The following KCNK10 variants were observed in gnomAD, a reference collection of about 807,000 sequenced individuals.
KCNK10 encodes potassium two pore domain channel subfamily K member 10, also known as potassium channel subfamily K member 10.
KCNK10 carries 25 observed loss-of-function variants against 47.7 expected under a neutral mutation model. The observed-to-expected ratio is 0.52, with a 90% CI of 0.38 to 0.73. The LOEUF is 0.73. Among genes scored for constraint, KCNK10 ranks in the 30% least tolerant of loss-of-function variants. The pLI is 0.00. For synonymous variants in KCNK10, 303 were observed against 285.6 expected (o/e 1.06, Z -0.61); for missense variants, 563 against 714.5 (o/e 0.79, Z 2.42).
chr14:88,199,597 G>A (rs867445700), intron 4 of KCNK10, among the ~76,000 whole-genome samples: 1 of 152,102 alleles, frequency 6.6e-6, no homozygotes, highest in Admixed American at 6.5e-5. Context: ...TTGCCTCGCT[G>A]GCTCCTCTAG....
chr14:88,220,604 G>GA (rs11446535), intron 4 of KCNK10, among the ~76,000 whole-genome samples: 88,592 of 142,808 alleles, frequency 0.62, 27,707 homozygotes, highest in African/African-American at 0.73. Flanking sequence ...ACAACATGGA[G>GA]AAAAAAAAAA....
chr14:88,260,218 C>T lies in KCNK10; in HGVS notation c.402+2984G>A, dbSNP rs529430751. Among the ~76,000 whole-genome samples the T allele has an allele frequency of 1.4e-4, 22 of 152,284 alleles. No homozygotes were observed. Among genetic ancestry groups the T allele is most frequent in the African/African-American group, 4.8e-4 (20 of 41,554 alleles). On this transcript the variant is annotated intron_variant, in intron 2 of 6. Transcript: ENST00000319231. This position sits in a 1 kb window ranked among gnomAD's most constrained non-coding sequence, Gnocchi z 4.5. ...TTGGCCTCCCAAAGTGCTGGGATTA[C>T]AGGTGTAAGCCACCGCGCCAGGCCA...
intron 3 of KCNK10, among the ~76,000 whole-genome samples, chr14:88,232,309 A>G (rs1886180252): frequency 6.6e-6 from 1 of 152,234 alleles, no homozygotes; most frequent in Non-Finnish European, 1.5e-5. Context: ...GAACAGGCCA[A>G]TATTTGTGTA....
chr14:88,198,622 T>G (rs559419740), intron 4 of KCNK10, among the ~76,000 whole-genome samples: 1 of 152,316 alleles, frequency 6.6e-6, no homozygotes, highest in East Asian at 1.9e-4. Flanking sequence ...ACCATTCTAA[T>G]AGGATAAATG....
At chr14:88,253,935 G>A (rs1489499555) in intron 2 of KCNK10, among the ~76,000 whole-genome samples, 1 of 152,082 alleles carries the variant, frequency 6.6e-6, no homozygotes, top group Non-Finnish European at 1.5e-5. Context: ...GTCATAAAGT[G>A]AAAACCAATG....
At chr14:88,207,273 C>T (rs375793012) in intron 4 of KCNK10, among the ~76,000 whole-genome samples, 1 of 150,712 alleles carries the variant, frequency 6.6e-6, no homozygotes, top group Non-Finnish European at 1.5e-5. Context: ...CCCAGGTTCA[C>T]GCCATTCTCC....
intron 3 of KCNK10, among the ~76,000 whole-genome samples, chr14:88,238,471 G>C (rs534593056): frequency 5.9e-5 from 9 of 152,160 alleles, no homozygotes; most frequent in Non-Finnish European, 1.5e-5. Context: ...AGAAGTTCAA[G>C]ACCAGCCTGG....
chr14:88,223,471 C>A lies in KCNK10; in HGVS notation c.681+3904G>T, dbSNP rs111679325. ...ACATAAATGGTGTCAGAAGTGGGAT[C>A]AAAGTGAGTGCACCTCAGAGGAATG... On this transcript the variant is annotated intron_variant, in intron 4 of 6. Coordinates refer to ENST00000319231, the MANE Select transcript of KCNK10 (RefSeq NM_138317.3). Among the ~76,000 whole-genome samples the A allele has an allele frequency of 8.5e-3, 1,286 of 152,130 alleles. 22 individuals are homozygous for A. The highest frequency in any genetic ancestry group is 0.029 in the African/African-American group (1,193 of 41,510).
chr14:88,272,179 G>T (rs139597513), intron 1 of KCNK10, among the ~76,000 whole-genome samples: 10 of 152,282 alleles, frequency 6.6e-5, no homozygotes, highest in Non-Finnish European at 1.5e-4. Flanking sequence ...CTATTGGGAA[G>T]ATTTAACATA....
chr14:88,285,977 C>T (rs368016394), intron 1 of KCNK10, among the ~76,000 whole-genome samples: 5 of 152,128 alleles, frequency 3.3e-5, no homozygotes, highest in Admixed American at 6.5e-5. Context: ...AAGACCACAC[C>T]GCTTCTGCCT....
At chr14:88,310,224 T>TATATCATATACC (rs1365676813) in intron 1 of KCNK10, among the ~76,000 whole-genome samples, 8 of 135,516 alleles carry the variant, frequency 5.9e-5, no homozygotes, top group Non-Finnish European at 1.3e-4. Flanking sequence ...TATCATATGG[T>TATATCATATACC]ATATGATATA....
At chr14:88,300,586 T>G (rs1253532176) in intron 1 of KCNK10, among the ~76,000 whole-genome samples, 3 of 152,162 alleles carry the variant, frequency 2.0e-5, no homozygotes, top group African/African-American at 7.2e-5. Context: ...GAAACTTGGT[T>G]TAGGAAGCAC....
intron 4 of KCNK10, among the ~76,000 whole-genome samples, chr14:88,220,133 C>T (rs948329606): frequency 8.6e-5 from 13 of 152,006 alleles, no homozygotes; most frequent in African/African-American, 1.9e-4. Context: ...TACTATAGAG[C>T]GTGGCCGGGC....
At chr14:88,187,632 C>CCCCG (rs1555359139) in intron 6 of KCNK10, among the ~76,000 whole-genome samples, 5 of 150,548 alleles carry the variant, frequency 3.3e-5, no homozygotes, top group Admixed American at 6.6e-5. Flanking sequence ...TGCACCCCCC[C>CCCCG]ACACACACAC....
chr14:88,197,450 G>A (rs1884950170), intron 4 of KCNK10, among the ~76,000 whole-genome samples: 1 of 151,462 alleles, frequency 6.6e-6, no homozygotes, highest in South Asian at 2.1e-4. Flanking sequence ...GCAGATGTCT[G>A]TAATCCCAGC....
At chr14:88,309,734 T>C (rs1888273398) in intron 1 of KCNK10, among the ~76,000 whole-genome samples, 1 of 152,220 alleles carries the variant, frequency 6.6e-6, no homozygotes, top group Non-Finnish European at 1.5e-5. Flanking sequence ...CTTTTTGCTG[T>C]CTGGGCAAGC....
intron 4 of KCNK10, among the ~76,000 whole-genome samples, chr14:88,223,274 A>G (rs1024185286): frequency 6.7e-6 from 1 of 150,078 alleles, no homozygotes; most frequent in East Asian, 2.0e-4. Context: ...GCTCAAAACA[A>G]TTATGTAATC....
chr14:88,309,885 GT>G (rs1240156560), intron 1 of KCNK10, among the ~76,000 whole-genome samples: 3 of 151,914 alleles, frequency 2.0e-5, no homozygotes, highest in African/African-American at 7.3e-5. Context: ...CAAATGAAAA[GT>G]TGCTTTCAGT....
At chr14:88,239,630 G>A (rs923666505) in intron 3 of KCNK10, among the ~76,000 whole-genome samples, 15 of 152,154 alleles carry the variant, frequency 9.9e-5, no homozygotes, top group Admixed American at 3.9e-4. Flanking sequence ...AGGCTGAGGC[G>A]GGCAGATCAC....
Sources: gnomAD v4.1 joint callset for allele counts (sites outside exome capture counted in the v4.1 genomes callset) on GRCh38, gnomAD v4.1.1 for gene constraint, Gnocchi (gnomAD v3.1) non-coding constraint, MANE v1.5 for transcripts, NCBI Gene and HGNC (gene_info 2026-07-23, HGNC 2026-07-21) for gene names.